Variants in MSI2 observed in about 807,000 individuals in gnomAD.
MSI2 encodes musashi RNA binding protein 2.
A neutral mutation model predicts 45.6 loss-of-function variants in MSI2; 17 were observed. The observed-to-expected ratio is 0.37, with a 90% confidence interval of 0.26 to 0.56. The LOEUF (loss-of-function observed/expected upper bound fraction) is 0.56, where lower values mean the gene tolerates loss of function less well. MSI2 is among the 20% of genes least tolerant of loss of function. The probability of loss-of-function intolerance (pLI) is 0.77; values close to 1 mark genes in which losing one functional copy is unlikely to be tolerated. For synonymous variants in MSI2, 156 were observed against 158.2 expected (o/e 0.99, Z 0.11); for missense variants, 293 against 444.2 (o/e 0.66, Z 3.06).
intron 7 of MSI2, among the ~76,000 whole-genome samples, chr17:57,546,292 C>T (rs1402533615): frequency 6.6e-6 from 1 of 152,192 alleles, no homozygotes; most frequent in South Asian, 2.1e-4. Context: ...ATGCTAATAG[C>T]AGCGGCAACA....
rs59098048 is a variant in MSI2 at position 57,410,008 on chromosome 17, CA to C, written c.405+8554del. ...GGGTGACAGTGTGAGACTCTGTCTC[CA>C]AAAAAAAAAAAAAAAATGGGGAGTA... On this transcript the variant is annotated intron_variant, in intron 6 of 13. Coordinates refer to ENST00000284073, the MANE Select transcript of MSI2 (RefSeq NM_138962.4). 6.0e-4 allele frequency among the ~76,000 whole-genome samples: 37 copies of C among 61,652 alleles called. 1 individual carries two copies. The highest frequency in any genetic ancestry group is 3.9e-3 in the South Asian group (5 of 1,272). The allele number at this position is 61,652 out of a possible 152,430, so 40.4% of individuals were successfully genotyped here.
chr17:57,396,822 C>G (rs1598213358), intron 5 of MSI2, among the ~76,000 whole-genome samples: 1 of 152,184 alleles, frequency 6.6e-6, no homozygotes, highest in African/African-American at 2.4e-5. Context: ...CACATGCACA[C>G]GGACACCTCC....
chr17:57,598,410 T>C (rs1905479982), intron 8 of MSI2, among the ~76,000 whole-genome samples: 1 of 152,208 alleles, frequency 6.6e-6, no homozygotes. Flanking sequence ...TGATTCAATA[T>C]TTGACTTGCT....
At chr17:57,309,184 A>C (rs1046537046) in intron 5 of MSI2, among the ~76,000 whole-genome samples, 2 of 152,218 alleles carry the variant, frequency 1.3e-5, no homozygotes, top group Non-Finnish European at 2.9e-5. Flanking sequence ...AGAATCTTTG[A>C]ACATAAGTAG....
At chr17:57,262,868 A>G (rs1245459532) in intron 5 of MSI2, among the ~76,000 whole-genome samples, 1 of 152,234 alleles carries the variant, frequency 6.6e-6, no homozygotes, top group Non-Finnish European at 1.5e-5. Flanking sequence ...CATAGTTTTC[A>G]CTGAGCTTGC....
intron 10 of MSI2, among the ~76,000 whole-genome samples, chr17:57,636,692 T>G (rs1275396536): frequency 6.6e-6 from 1 of 152,224 alleles, no homozygotes; most frequent in East Asian, 1.9e-4. Flanking sequence ...AAACTCCCTC[T>G]TTCCTCCTGC....
intron 5 of MSI2, among the ~76,000 whole-genome samples, chr17:57,274,920 A>G (rs1207418244): frequency 6.6e-6 from 1 of 152,236 alleles, no homozygotes; most frequent in African/African-American, 2.4e-5. Context: ...TGGGGATTAA[A>G]TGAGCCAGTA....
At chr17:57,645,767 G>A (rs1425778729) in intron 10 of MSI2, among the ~76,000 whole-genome samples, 1 of 152,124 alleles carries the variant, frequency 6.6e-6, no homozygotes, top group Non-Finnish European at 1.5e-5. Context: ...AGGCTGCTCT[G>A]CAGACCAAGT....
intron 6 of MSI2, among the ~76,000 whole-genome samples, chr17:57,452,051 G>C (rs1364273150): frequency 6.6e-6 from 1 of 152,170 alleles, no homozygotes; most frequent in Non-Finnish European, 1.5e-5. Flanking sequence ...GTGAGGAGTA[G>C]CTCTCCCATG....
At chr17:57,580,145 C>G (rs2088162467) in intron 7 of MSI2, among the ~76,000 whole-genome samples, 1 of 151,920 alleles carries the variant, frequency 6.6e-6, no homozygotes, top group Non-Finnish European at 1.5e-5. Context: ...GCTGATCTGC[C>G]TTCATTATTC....
chr17:57,653,856 C>T (rs926220033), intron 11 of MSI2, among the ~76,000 whole-genome samples: 8 of 151,998 alleles, frequency 5.3e-5, no homozygotes, highest in African/African-American at 1.9e-4. Flanking sequence ...CCACCCTACC[C>T]TCTCATGGAC....
chr17:57,687,199 A>AAC (rs201030543), downstream of MSI2, among the ~76,000 whole-genome samples: 94,664 of 151,654 alleles, frequency 0.62, 30,074 homozygotes, highest in African/African-American at 0.75. Flanking sequence ...TGTACTCAAA[A>AAC]TGTAAGCTTT....
At chr17:57,585,429 G>T (rs2088319718) in intron 7 of MSI2, among the ~76,000 whole-genome samples, 4 of 152,330 alleles carry the variant, frequency 2.6e-5, no homozygotes, top group South Asian at 2.1e-4. Context: ...TGGATCATTT[G>T]TCTCACAGAG....
intron 5 of MSI2, among the ~76,000 whole-genome samples, chr17:57,351,592 A>T (rs1308243099): frequency 6.6e-6 from 1 of 152,232 alleles, no homozygotes; most frequent in African/African-American, 2.4e-5. Context: ...GCAACGGCTC[A>T]TGCCTGTAAT....
At chr17:57,667,986 G>T (rs1181164807) in intron 11 of MSI2, among the ~76,000 whole-genome samples, 1 of 152,190 alleles carries the variant, frequency 6.6e-6, no homozygotes, top group Non-Finnish European at 1.5e-5. Context: ...ATCACCTGAG[G>T]TCAGGAGTTC....
At chr17:57,345,159 G>A (rs1418115053) in intron 5 of MSI2, among the ~76,000 whole-genome samples, 4 of 152,208 alleles carry the variant, frequency 2.6e-5, no homozygotes, top group Non-Finnish European at 5.9e-5. Context: ...GACCTAGGGT[G>A]CATAGTTCAA....
intron 7 of MSI2, among the ~76,000 whole-genome samples, chr17:57,569,621 A>T (rs1199876475): frequency 6.6e-6 from 1 of 152,256 alleles, no homozygotes; most frequent in East Asian, 1.9e-4. Flanking sequence ...CAAGAGGAAG[A>T]TGAAGAATCA....
chr17:57,349,703 T>C (rs537889121), intron 5 of MSI2, among the ~76,000 whole-genome samples: 7 of 152,272 alleles, frequency 4.6e-5, no homozygotes, highest in Non-Finnish European at 1.0e-4. Context: ...AGGAGTCAAG[T>C]TGGTGCACTG....
At chr17:57,549,429 C>G (rs1273732499) in intron 7 of MSI2, among the ~76,000 whole-genome samples, 1 of 150,920 alleles carries the variant, frequency 6.6e-6, no homozygotes, top group East Asian at 1.9e-4. Context: ...TGTTTTCCTT[C>G]CATTTCCGGT....
Sources: allele counts gnomAD v4.1 joint callset (sites outside exome capture counted in the v4.1 genomes callset), GRCh38; gene constraint gnomAD v4.1.1; transcripts MANE v1.5; gene names NCBI Gene and HGNC (gene_info 2026-07-23, HGNC 2026-07-21).